Variants in ARHGAP40 observed in about 807,000 individuals in gnomAD.
ARHGAP40 encodes Rho GTPase activating protein 40.
Under a neutral mutation model 73.5 loss-of-function variants are expected in ARHGAP40, and 43 were observed. That is an observed-to-expected ratio of 0.58 (90% CI 0.46 to 0.75). ARHGAP40 has a LOEUF of 0.75. Ranked by LOEUF, ARHGAP40 falls within the 30% of genes least tolerant of loss-of-function variation. The probability of loss-of-function intolerance (pLI) is 0.00; values close to 1 mark genes in which losing one functional copy is unlikely to be tolerated. For missense variants in ARHGAP40, 734 were observed against 861.8 expected (o/e 0.85, Z 1.86); for synonymous variants, 300 against 352.8 (o/e 0.85, Z 1.68).
At chr20:38,650,186 C>G (rs1199003379) in exon 15 of ARHGAP40, 1 of 379,372 alleles carries the variant, frequency 2.6e-6, no homozygotes, top group African/African-American at 2.1e-5. Flanking sequence ...ACCCTCCAGC[C>G]CTCCAGAGAG....
intron 9 of ARHGAP40, among the ~76,000 whole-genome samples, chr20:38,641,341 C>G (rs1371889420): frequency 1.3e-5 from 2 of 152,166 alleles, no homozygotes; most frequent in East Asian, 3.9e-4. Context: ...ACCCTCACAA[C>G]ACAGAGGGTT....
intron 1 of ARHGAP40, among the ~76,000 whole-genome samples, chr20:38,620,268 C>T (rs1292281845): frequency 6.6e-6 from 1 of 152,190 alleles, no homozygotes; most frequent in African/African-American, 2.4e-5. Context: ...TTCTGAACAC[C>T]TTTTGTGGAT....
intron 8 of ARHGAP40, among the ~76,000 whole-genome samples, 158 bp downstream of exon 8, chr20:38,638,996 A>C (rs955298715): frequency 6.6e-6 from 1 of 152,132 alleles, no homozygotes; most frequent in Non-Finnish European, 1.5e-5. Flanking sequence ...CATGATGAGC[A>C]TGGTGGCAGA....
In ARHGAP40 at chr20:38,643,693, C is replaced by T; in HGVS notation, c.1363-11C>T. The T allele has an allele frequency of 1.5e-6, 2 of 1,305,398 alleles. No homozygotes were observed. The highest frequency in any genetic ancestry group is 1.2e-5 in the South Asian group (1 of 81,004). The allele number at this position is 1,305,398 out of a possible 1,614,324, so 80.9% of individuals were successfully genotyped here. On this transcript the variant is annotated splice_polypyrimidine_tract_variant and intron_variant, in intron 10 of 14. Transcript: ENST00000373345. ...GCTGAGATTTGAGGGAGGCTCTGCA[C>T]CCTTCCCTAGGCACTGCTGGAATTC...
chr20:38,645,195 C>T (rs2089044158), intron 11 of ARHGAP40, among the ~76,000 whole-genome samples: 1 of 150,906 alleles, frequency 6.6e-6, no homozygotes, highest in Non-Finnish European at 1.5e-5. Context: ...TCTGCTCATT[C>T]TTCAAGACCT....
At chr20:38,624,112 C>A (rs2088887383) in intron 2 of ARHGAP40, among the ~76,000 whole-genome samples, 1 of 152,160 alleles carries the variant, frequency 6.6e-6, no homozygotes, top group South Asian at 2.1e-4. Flanking sequence ...CTAGGTGGTT[C>A]TTGCTCAGGG....
intron 1 of ARHGAP40, among the ~76,000 whole-genome samples, chr20:38,621,775 C>G (rs562283466): frequency 1.3e-5 from 2 of 152,122 alleles, no homozygotes; most frequent in African/African-American, 4.8e-5. Context: ...GTTTTAAGGC[C>G]GGGCTCAATG....
At chr20:38,641,393 C>T (rs1021986030) in intron 9 of ARHGAP40, among the ~76,000 whole-genome samples, 1 of 152,226 alleles carries the variant, frequency 6.6e-6, no homozygotes, top group Non-Finnish European at 1.5e-5. Context: ...CTCTCTGTCT[C>T]CCTTCCTAAG....
At chr20:38,649,121 G>T (rs2089072147) in intron 14 of ARHGAP40, among the ~76,000 whole-genome samples, 1 of 152,170 alleles carries the variant, frequency 6.6e-6, no homozygotes, top group South Asian at 2.1e-4. Flanking sequence ...AACCAAGGAT[G>T]GGCCGCTGTT....
At chr20:38,602,111 G>C in intron 1 of ARHGAP40, 32 bp downstream of exon 1, 1 of 1,264,510 alleles carries the variant, frequency 7.9e-7, no homozygotes, top group Non-Finnish European at 1.0e-6. Context: ...GAGGGAAGTT[G>C]GCCCTACTAT....
In ARHGAP40 at chr20:38,639,852, A is replaced by G. The variant is rs112770357; in HGVS notation, c.1279+466A>G. ...TCTGCATATATATGTTCCTGTCTGGACTTCTTCACAATCCACAATGAACAA... is the reference window on the plus strand; with the variant it reads ...TCTGCATATATATGTTCCTGTCTGGGCTTCTTCACAATCCACAATGAACAA... On this transcript the variant is annotated intron_variant, in intron 9 of 14. Transcript: ENST00000373345. 1.8e-3 allele frequency among the ~76,000 whole-genome samples: 275 copies of G among 152,274 alleles called. 3 individuals carry two copies. The highest frequency in any genetic ancestry group is 6.5e-3 in the African/African-American group (268 of 41,534).
chr20:38,603,415 ATCT>A (rs2088749527), intron 1 of ARHGAP40, among the ~76,000 whole-genome samples: 21 of 66,250 alleles, frequency 3.2e-4, no homozygotes, highest in African/African-American at 1.6e-3. Flanking sequence ...CTGTCTATCT[ATCT>A]ATCTATCTAT....
chr20:38,615,140 T>G lies in ARHGAP40; in HGVS notation c.138-8219T>G, dbSNP rs1393799570. ...CCTTGACCAGGGTCCGGATTTCGTC[T>G]GCCTTCGGGATGTTGTCTGAAGCAT... is the stretch of plus-strand genomic sequence containing the variant. On this transcript the variant is annotated intron_variant, in intron 1 of 14. Transcript: ENST00000373345. 7.3e-6 allele frequency: 7 copies of G among 959,834 alleles called. No individual in the cohort carries two copies. The East Asian group carries it at 1.2e-4, about 16-fold the overall frequency. 59.5% of individuals were successfully genotyped at this position (959,834 alleles called of 1,614,324 possible).
At chr20:38,648,985 C>T (rs975257665) in intron 14 of ARHGAP40, among the ~76,000 whole-genome samples, 3 of 152,206 alleles carry the variant, frequency 2.0e-5, no homozygotes, top group Non-Finnish European at 4.4e-5. Context: ...ACAGTAGCAC[C>T]AGTGAAACCG....
rs761919223 is a variant in ARHGAP40 at position 38,641,707 on chromosome 20, G to A, written c.1280-19G>A. On this transcript the variant is annotated intron_variant, in intron 9 of 14. Coordinates refer to ENST00000373345, the Ensembl canonical transcript of ARHGAP40. ...TCCCTGAGCCTCCCATGGAGACTGA[G>A]GTCCCTCCCTTCCCGCAGACATCCC... The A allele has an allele frequency of 2.8e-5, 36 of 1,293,342 alleles. No homozygotes were observed. In the African/African-American group the frequency reaches 5.5e-4, roughly 20 times the overall value. 80.1% of individuals were successfully genotyped at this position (1,293,342 alleles called of 1,614,324 possible).
chr20:38,635,403 C>T (rs1025441611), intron 6 of ARHGAP40, among the ~76,000 whole-genome samples: 1 of 152,134 alleles, frequency 6.6e-6, no homozygotes, highest in Non-Finnish European at 1.5e-5. Context: ...GTGGCTCACA[C>T]CTGTAATGCC....
intron 6 of ARHGAP40, among the ~76,000 whole-genome samples, chr20:38,637,144 C>CT (rs11482478): frequency 0.055 from 7,928 of 145,110 alleles, 546 homozygotes; most frequent in African/African-American, 0.16. Flanking sequence ...CCTTTCAATA[C>CT]TTTTTTTTTT....
At chr20:38,625,345 G>T (rs220541) in intron 2 of ARHGAP40, among the ~76,000 whole-genome samples, 38,195 of 151,804 alleles carry the variant, frequency 0.25, 4,907 homozygotes, top group South Asian at 0.36. Context: ...AGCTTTTTTA[G>T]ACTCACAGGG....
At chr20:38,629,548 C>T (rs1414426404) in exon 5 of ARHGAP40, 1 of 1,305,298 alleles carries the variant, frequency 7.7e-7, no homozygotes. Flanking sequence ...GGGAAGAAGC[C>T]TTCAACATGG....
Sources: gnomAD v4.1 joint callset for allele counts (sites outside exome capture counted in the v4.1 genomes callset) on GRCh38, gnomAD v4.1.1 for gene constraint, MANE v1.5 for transcripts, NCBI Gene and HGNC (gene_info 2026-07-23, HGNC 2026-07-21) for gene names.